ZNF814: variants seen among roughly 807,000 people sequenced by gnomAD.
The protein encoded by ZNF814 is zinc finger protein 814.
ZNF814 carries 5 observed loss-of-function variants against 7.5 expected under a neutral mutation model. The observed-to-expected ratio is 0.67, with a 90% CI of 0.35 to 1.40. ZNF814 has a LOEUF of 1.40. Ranked by LOEUF, ZNF814 falls within the 40% of genes most tolerant of loss-of-function variation. The pLI is 0.04. For missense variants in ZNF814, 962 were observed against 1,018.0 expected (o/e 0.94, Z 0.75); for synonymous variants, 315 against 340.7 (o/e 0.92, Z 0.83).
In ZNF814 at chr19:57,872,614, CTG is replaced by C. The variant is rs1380947628; in HGVS notation, c.*206_*207del. The C allele has an allele frequency of 3.7e-6, 5 of 1,343,134 alleles. No homozygotes were observed. Among genetic ancestry groups the C allele is most frequent in the Non-Finnish European group, 5.2e-6 (5 of 961,282 alleles). The allele number at this position is 1,343,134 out of a possible 1,614,324, so 83.2% of individuals were successfully genotyped here. On this transcript the variant is annotated 3_prime_UTR_variant, in exon 3 of 3. Coordinates refer to ENST00000435989, the MANE Select transcript of ZNF814 (RefSeq NM_001144989.2). ...GTGAACTCTCCTGTGTTTAATGAGA[CTG>C]AAAGTTTCAGCAAAGGATTTCCCAC... is the stretch of plus-strand genomic sequence containing the variant.
rs1600141491 is a variant in ZNF814 at position 57,888,904 on chromosome 19, C to T, written c.-102G>A. The T allele has an allele frequency of 5.9e-6, 8 of 1,346,812 alleles. No homozygotes were observed. In the East Asian group the frequency reaches 1.5e-4, roughly 25 times the overall value. 83.4% of individuals were successfully genotyped at this position (1,346,812 alleles called of 1,614,324 possible). On this transcript the variant is annotated 5_prime_UTR_variant, in exon 1 of 3. Transcript: ENST00000435989. ...TGGCCCAGGAGTGGGTCACGCTGGGCGCCGTCACAGAGCTCCAGAGTAGCC... is the reference window on the plus strand; with the variant it reads ...TGGCCCAGGAGTGGGTCACGCTGGGTGCCGTCACAGAGCTCCAGAGTAGCC...
rs763311015 is a variant in ZNF814, at chr19:57,873,245, T to C, written c.2145A>G (p.Pro715=). ...ATTTCTGACAAGCTTCACAAGCATA[T>C]GGCTTTTCTCCATTGTGAATTCTCT... ...VHQRIHNGEK[P]YACEACQKFF... is the part of the protein sequence containing the mutation. Residue 715 remains proline, a synonymous_variant, in exon 3 of 3, where the codon CCA becomes CCG. Coordinates refer to ENST00000435989, the MANE Select transcript of ZNF814 (RefSeq NM_001144989.2). 14 of 1,605,740 alleles carry C rather than the reference T, an allele frequency of 8.7e-6. No individual in the cohort carries two copies. The highest frequency in any genetic ancestry group is 1.1e-5 in the South Asian group (1 of 90,098).
the ZNF814 span, among the ~76,000 whole-genome samples, chr19:57,899,274 A>C: frequency 6.6e-6 from 1 of 152,224 alleles, no homozygotes; most frequent in Non-Finnish European, 1.5e-5. Flanking sequence ...GAACAATTTA[A>C]AAAATGTTAT....
Position 57,888,226 on chromosome 19 carries a change from G to C in ZNF814, c.36+541C>G, listed in dbSNP as rs10417721. Among the ~76,000 whole-genome samples the C allele has an allele frequency of 7.2e-5, 11 of 152,064 alleles. No homozygotes were observed. The East Asian group carries it at 2.1e-3, about 29-fold the overall frequency. On this transcript the variant is annotated intron_variant, in intron 1 of 2. Coordinates refer to ENST00000435989, the MANE Select transcript of ZNF814 (RefSeq NM_001144989.2). Reference sequence around the variant, plus strand: ...ATTGTTTGCTATATTGACTGACTTGGGGAGTGTCTTCAGCCTCTGTGCCCA... The same window carrying C: ...ATTGTTTGCTATATTGACTGACTTGCGGAGTGTCTTCAGCCTCTGTGCCCA...
chr19:57,873,007 T>C lies in ZNF814; in HGVS notation c.2383A>G (p.Thr795Ala). 6.2e-7 allele frequency: 1 copy of C among 1,613,980 alleles called. No individual in the cohort carries two copies. The highest frequency in any genetic ancestry group is 8.5e-7 in the Non-Finnish European group (1 of 1,179,890). The change falls in exon 3 of 3, where the codon ACT becomes GCT. Residue 795 changes from threonine to alanine, a missense_variant. Physicochemically the swap from Thr to Ala is moderately conservative, Grantham distance 58. Transcript: ENST00000435989. ...CTGCACTCATAAGGCTTTTCTCCAG[T>C]GTGAACTCTTTTGTGTTTTGTGAAA... is the stretch of plus-strand genomic sequence containing the variant. ...SSFTKHKRVHTGEKPYECSEC... is the reference protein window; with the variant it reads ...SSFTKHKRVHAGEKPYECSEC...
intron 1 of ZNF814, among the ~76,000 whole-genome samples, chr19:57,879,085 C>G (rs535931748): frequency 6.6e-6 from 1 of 151,310 alleles, no homozygotes; most frequent in Non-Finnish European, 1.5e-5. Flanking sequence ...TACACTACAT[C>G]GTAGCTGACA....
chr19:57,875,321 C>G lies in ZNF814; in HGVS notation c.164-95G>C, dbSNP rs1600136415. On this transcript the variant is annotated intron_variant, in intron 2 of 2. Transcript: ENST00000435989. ...TATCTGAAAAACTGAGGAATTACTCCAAGGAACTACTTGGAGGAACAGGAT... is the reference window on the plus strand; with the variant it reads ...TATCTGAAAAACTGAGGAATTACTCGAAGGAACTACTTGGAGGAACAGGAT... 3.7e-6 allele frequency: 6 copies of G among 1,609,298 alleles called. No homozygotes were observed. The East Asian group carries it at 1.1e-4, about 30-fold the overall frequency.
At chr19:57,896,364 C>T in the ZNF814 span, among the ~76,000 whole-genome samples, 1 of 151,970 alleles carries the variant, frequency 6.6e-6, no homozygotes, top group Non-Finnish European at 1.5e-5. The surrounding 1 kb of genome is among the most constrained non-coding windows in gnomAD (Gnocchi z 4.2). Context: ...ATTCTGAATG[C>T]GAGGAGCAAA....
chr19:57,899,598 A>G, the ZNF814 span, among the ~76,000 whole-genome samples: 2 of 152,240 alleles, frequency 1.3e-5, no homozygotes, highest in South Asian at 2.1e-4. Context: ...CTGCCTTACA[A>G]GGTGATTCTA....
chr19:57,887,113 G>T lies in ZNF814; in HGVS notation c.36+1654C>A, dbSNP rs183816940. 8.7e-4 allele frequency among the ~76,000 whole-genome samples: 133 copies of T among 152,036 alleles called. 3 individuals are homozygous for T. The highest frequency in any genetic ancestry group is 7.8e-3 in the Admixed American group (119 of 15,270). ...TGAGGCAGGAGAATCGCTTGAACCC[G>T]GGAGGCAGAGATTGCAGTGAGCCGA... On this transcript the variant is annotated intron_variant, in intron 1 of 2. Transcript: ENST00000435989.
At chr19:57,883,196 A>G (rs2071662691) in intron 1 of ZNF814, among the ~76,000 whole-genome samples, 1 of 151,798 alleles carries the variant, frequency 6.6e-6, no homozygotes, top group Admixed American at 6.6e-5. Flanking sequence ...ATCTGTACTA[A>G]AAATACAAAA....
intron 1 of ZNF814, among the ~76,000 whole-genome samples, chr19:57,880,500 G>C (rs2071643388): frequency 2.0e-5 from 3 of 151,552 alleles, no homozygotes; most frequent in Admixed American, 1.3e-4. Flanking sequence ...TAGGGTTTAG[G>C]GTTTCTCTAG....
the ZNF814 span, among the ~76,000 whole-genome samples, chr19:57,903,907 A>G: frequency 6.6e-6 from 1 of 152,198 alleles, no homozygotes; most frequent in African/African-American, 2.4e-5. Flanking sequence ...AATGTAAAAG[A>G]GTCTTGGAAC....
In ZNF814 at chr19:57,870,979, CAAAAAAAAA is replaced by C. The variant is rs1555776728; in HGVS notation, c.*1834_*1842del. ...TGGGCAACAGGGTGAGGCTCTGCCT[CAAAAAAAAA>C]GAAAAAAAAAGAAAAAAAAGACATG... On this transcript the variant is annotated 3_prime_UTR_variant, in exon 3 of 3. Coordinates refer to ENST00000435989, the MANE Select transcript of ZNF814 (RefSeq NM_001144989.2). 7.3e-6 allele frequency: 1 copy of C among 137,044 alleles called. No homozygotes were observed. The highest frequency in any genetic ancestry group is 2.1e-4 in the East Asian group (1 of 4,760). 8.5% of individuals were successfully genotyped at this position (137,044 alleles called of 1,614,324 possible).
rs1322638676 is a variant in ZNF814 at position 57,885,886 on chromosome 19, T to G, written c.36+2881A>C. On this transcript the variant is annotated intron_variant, in intron 1 of 2. Transcript: ENST00000435989. ...ATGATTATTACCCACTGCTTGCCTG[T>G]ATCAAAATATCTCCTGTAGGCGGAG... The G allele has an allele frequency of 2.7e-5, 4 of 149,072 alleles. No individual in the cohort carries two copies. In the Admixed American group the frequency reaches 2.7e-4, roughly 10 times the overall value. The allele number at this position is 149,072 out of a possible 1,614,324, so 9.2% of individuals were successfully genotyped here.
intron 1 of ZNF814, among the ~76,000 whole-genome samples, chr19:57,884,595 G>A (rs1405322774): frequency 6.6e-6 from 1 of 152,152 alleles, no homozygotes; most frequent in East Asian, 1.9e-4. Context: ...TCCAGCCTGG[G>A]TGACAGAGCA....
chr19:57,897,358 C>A, the ZNF814 span, among the ~76,000 whole-genome samples: 1 of 152,048 alleles, frequency 6.6e-6, no homozygotes, highest in Non-Finnish European at 1.5e-5. Flanking sequence ...TTTTCAGGCT[C>A]TTGCTTTAAT....
rs1301694476 is a variant in ZNF814, at chr19:57,871,792, G to A, written c.*1030C>T. The stretch of plus-strand genomic sequence containing the variant: ...TACTCAACAAATCCTTCTGTGACTC[G>A]ATCAGAAATTAAAAGTTAAAAAAAA... On this transcript the variant is annotated 3_prime_UTR_variant, in exon 3 of 3. Transcript: ENST00000435989. The A allele has an allele frequency of 2.2e-5, 3 of 137,350 alleles. No homozygotes were observed. The highest frequency in any genetic ancestry group is 2.3e-4 in the South Asian group (1 of 4,442). 8.5% of individuals were successfully genotyped at this position (137,350 alleles called of 1,614,324 possible).
chr19:57,873,182 T>C lies in ZNF814; in HGVS notation c.2208A>G (p.Arg736=). Residue 736 remains arginine, a synonymous_variant, in exon 3 of 3, where the codon AGA becomes AGG. Transcript: ENST00000435989. ...RNKYQLIAHQ[R]VHTGERPYEC... ...CATAAGGCCTTTCTCCAGTGTGAAC[T>C]CTCTGATGTGCAATGAGTTGGTACT... 6.2e-7 allele frequency: 1 copy of C among 1,613,402 alleles called. No homozygotes were observed. The highest frequency in any genetic ancestry group is 8.5e-7 in the Non-Finnish European group (1 of 1,179,776).
Sources: gnomAD v4.1 joint callset for allele counts (sites outside exome capture counted in the v4.1 genomes callset) on GRCh38, gnomAD v4.1.1 for gene constraint, Gnocchi (gnomAD v3.1) non-coding constraint, MANE v1.5 for transcripts, NCBI Gene and HGNC (gene_info 2026-07-23, HGNC 2026-07-21) for gene names.